LENG8: variants seen among roughly 807,000 people sequenced by gnomAD.
LENG8 encodes the protein leukocyte receptor cluster member 8, also known as leukocyte receptor cluster (LRC) member 8.
LENG8 carries 28 observed loss-of-function variants against 102.1 expected under a neutral mutation model. The observed-to-expected ratio is 0.27, with a 90% confidence interval of 0.20 to 0.38. The LOEUF is 0.38. Ranked by LOEUF, LENG8 falls within the 10% of genes least tolerant of loss-of-function variation. The probability of loss-of-function intolerance (pLI) is 1.00; values close to 1 mark genes in which losing one functional copy is unlikely to be tolerated. For missense variants in LENG8, 1,022 were observed against 1,113.9 expected (o/e 0.92, Z 1.17); for synonymous variants, 531 against 456.7 (o/e 1.16, Z -2.07).
chr19:54,461,926 C>A lies in LENG8; in HGVS notation c.*998C>A. 1.1e-6 allele frequency: 1 copy of A among 934,230 alleles called. No homozygotes were observed. Among genetic ancestry groups the A allele is most frequent in the South Asian group, 1.3e-5 (1 of 76,050 alleles). 57.9% of individuals were successfully genotyped at this position (934,230 alleles called of 1,614,324 possible). On this transcript the variant is annotated 3_prime_UTR_variant, in exon 16 of 16. Coordinates refer to ENST00000326764, the MANE Select transcript of LENG8 (RefSeq NM_052925.4). ...TCTGCCTCCCCTTCCCCTCCTCTCC[C>A]CTCCTTTTCCTTCCTTCCTTCCTTT...
Position 54,454,412 on chromosome 19 carries a change from G to T in LENG8, c.427-18G>T. ...CCAGAATCTGCCTCCCGTGCTCAGC[G>T]CCTGCTTCCTTCTGCAGCCCCCAGT... On this transcript the variant is annotated intron_variant, in intron 5 of 15. Transcript: ENST00000326764. The T allele has an allele frequency of 6.3e-7, 1 of 1,586,664 alleles. No homozygotes were observed. The highest frequency in any genetic ancestry group is 8.6e-7 in the Non-Finnish European group (1 of 1,165,166).
Position 54,461,041 on chromosome 19 carries a change from C to G in LENG8, c.*113C>G, listed in dbSNP as rs1600019601. 1 of 1,430,024 alleles carries G rather than the reference C, an allele frequency of 7.0e-7. No individual in the cohort carries two copies. 88.6% of individuals were successfully genotyped at this position (1,430,024 alleles called of 1,614,324 possible). A position where few individuals can be genotyped will look rare whatever the true frequency, so the allele number is the denominator to read the frequency against. ...TAAATTTATTTGTGGGGAGTGCGCT[C>G]CAGGAAGAGCCACCATCCCTGCCCC... On this transcript the variant is annotated 3_prime_UTR_variant, in exon 16 of 16. Coordinates refer to ENST00000326764, the MANE Select transcript of LENG8 (RefSeq NM_052925.4).
chr19:54,458,159 G>A lies in LENG8; in HGVS notation c.1959G>A (p.Glu653=). The A allele has an allele frequency of 6.2e-7, 1 of 1,614,152 alleles. No homozygotes were observed. The highest frequency in any genetic ancestry group is 8.5e-7 in the Non-Finnish European group (1 of 1,180,044). The change falls in exon 14 of 16, where the codon GAG becomes GAA. Residue 653 remains glutamate (E), a synonymous_variant. Coordinates refer to ENST00000326764, the MANE Select transcript of LENG8 (RefSeq NM_052925.4). ...CQTQLKSLYA[E]NLPGNVGEFT... ...CGCAGCTCAAGTCGCTGTACGCCGA[G>A]AACTTGCCTGGCAATGTGGGCGAGT...
intron 3 of LENG8, 145 bp from the exon 4 acceptor site, chr19:54,452,506 T>G (rs1471594319): frequency 6.7e-6 from 5 of 743,504 alleles, no homozygotes; most frequent in Non-Finnish European, 1.2e-5. Context: ...GTGAGTCTCA[T>G]GGTAGAGACA....
In LENG8 at chr19:54,461,822, C is replaced by G; in HGVS notation, c.*894C>G. Reference sequence around the variant, plus strand: ...TTTTGGCCCTCCCTCCCTCCCTCTTCTGCCATGTAACTGGAGGATGTGCTA... The same window carrying G: ...TTTTGGCCCTCCCTCCCTCCCTCTTGTGCCATGTAACTGGAGGATGTGCTA... On this transcript the variant is annotated 3_prime_UTR_variant, in exon 16 of 16. Coordinates refer to ENST00000326764, the MANE Select transcript of LENG8 (RefSeq NM_052925.4). 1 of 496,530 alleles carries G rather than the reference C, an allele frequency of 2.0e-6. No homozygotes were observed. Among genetic ancestry groups the G allele is most frequent in the South Asian group, 1.6e-5 (1 of 64,434 alleles). The allele number at this position is 496,530 out of a possible 1,614,324, so 30.8% of individuals were successfully genotyped here.
In LENG8 at chr19:54,456,167, A is replaced by C. The variant is rs1217380293; in HGVS notation, c.1226A>C (p.Lys409Thr). 1 of 1,611,204 alleles carries C rather than the reference A, an allele frequency of 6.2e-7. No homozygotes were observed. The highest frequency in any genetic ancestry group is 2.2e-5 in the East Asian group (1 of 44,822). ...TTTGGCAACCGCAACGTCTTCATGAAGGACAACAGCTCTTCTTCCAGCACA... is the reference window on the plus strand; with the variant it reads ...TTTGGCAACCGCAACGTCTTCATGACGGACAACAGCTCTTCTTCCAGCACA... ...TKFGNRNVFM[K>T]DNSSSSSTDS... The change falls in exon 9 of 16, where the codon AAG becomes ACG. Residue 409 changes from lysine (K) to threonine (T), a missense_variant. Around this residue, in one of 7 missense-constraint regions of LENG8, gnomAD observed 326 missense variants for 324.5 expected, o/e 1.00. Coordinates refer to ENST00000326764, the MANE Select transcript of LENG8 (RefSeq NM_052925.4).
chr19:54,452,543 C>T (rs760252267), intron 3 of LENG8, 108 bp from the exon 4 acceptor site: 24 of 908,242 alleles, frequency 2.6e-5, no homozygotes, highest in Non-Finnish European at 3.5e-5. Context: ...ATACATGGAC[C>T]CAGTTTCATC....
chr19:54,453,121 C>T (rs894382331), intron 4 of LENG8, among the ~76,000 whole-genome samples: 2 of 151,914 alleles, frequency 1.3e-5, no homozygotes, highest in African/African-American at 2.4e-5. Context: ...AGAGCCTCTA[C>T]CTGACACACT....
rs367825169 is a variant in LENG8 at position 54,455,575 on chromosome 19, T to A, written c.1025+8T>A. 6.2e-7 allele frequency: 1 copy of A among 1,603,400 alleles called. No homozygotes were observed. The highest frequency in any genetic ancestry group is 8.5e-7 in the Non-Finnish European group (1 of 1,177,650). ...CCGGGAGCCCTTGCCGGGGTTAGTCTGGGTGGGGGACATAGGTGGGAGGGT... is the reference window on the plus strand; with the variant it reads ...CCGGGAGCCCTTGCCGGGGTTAGTCAGGGTGGGGGACATAGGTGGGAGGGT... On this transcript the variant is annotated splice_region_variant and intron_variant, in intron 8 of 15. Coordinates refer to ENST00000326764, the MANE Select transcript of LENG8 (RefSeq NM_052925.4).
chr19:54,458,856 A>G, intron 15 of LENG8: 1 of 1,550,486 alleles, frequency 6.4e-7, no homozygotes, highest in Non-Finnish European at 8.7e-7. Flanking sequence ...GGGCTTCCTC[A>G]GAACCCTGAG....
Position 54,461,891 on chromosome 19 carries a change from A to T in LENG8, c.*963A>T. ...GACTGTCAGGCTGCTTTTTTTCCAG[A>T]TGTTCCTCCTCTGCCTCCCCTTCCC... On this transcript the variant is annotated 3_prime_UTR_variant, in exon 16 of 16. Coordinates refer to ENST00000326764, the MANE Select transcript of LENG8 (RefSeq NM_052925.4). The T allele has an allele frequency of 1.3e-6, 1 of 760,278 alleles. No individual in the cohort carries two copies. Among genetic ancestry groups the T allele is most frequent in the Non-Finnish European group, 2.4e-6 (1 of 421,766 alleles). 47.1% of individuals were successfully genotyped at this position (760,278 alleles called of 1,614,324 possible). A position where few individuals can be genotyped will look rare whatever the true frequency, so the allele number is the denominator to read the frequency against.
chr19:54,457,697 C>G (rs759830299), intron 11 of LENG8, 50 bp from the exon 12 acceptor site: 2 of 1,336,936 alleles, frequency 1.5e-6, no homozygotes. Context: ...AAGCCGTTGG[C>G]CACGCTACCT....
intron 2 of LENG8, 84 bp downstream of exon 2, chr19:54,451,466 C>A: frequency 7.0e-7 from 1 of 1,437,530 alleles, no homozygotes; most frequent in Non-Finnish European, 9.8e-7. Context: ...TGGGACCTCC[C>A]GTGGCCTTAG....
Position 54,456,323 on chromosome 19 carries a change from A to G in LENG8, c.1305-2A>G. 6.2e-7 allele frequency: 1 copy of G among 1,614,036 alleles called. No individual in the cohort carries two copies. Among genetic ancestry groups the G allele is most frequent in the Non-Finnish European group, 8.5e-7 (1 of 1,179,978 alleles). ...GCCTGACCCTCCTGCTTCTTCCTGC[A>G]GTGACTCCCACTCAGACTCCGACAG... On this transcript the variant is annotated splice_acceptor_variant, in intron 9 of 15. Coordinates refer to ENST00000326764, the MANE Select transcript of LENG8 (RefSeq NM_052925.4). LOFTEE classifies it high-confidence loss of function.
rs2084320147 is a variant in LENG8, at chr19:54,457,629, C to T, written c.1732-118C>T. ...GTGCTGGGATTACAGGCGTGAGCCA[C>T]TGCGCCTGGCCTTTTTTTTCTTTTT... On this transcript the variant is annotated intron_variant, in intron 11 of 15. Transcript: ENST00000326764. The T allele has an allele frequency of 1.4e-5, 11 of 764,834 alleles. No homozygotes were observed. The South Asian group carries it at 1.7e-4, about 12-fold the overall frequency. 47.4% of individuals were successfully genotyped at this position (764,834 alleles called of 1,614,324 possible). A position where few individuals can be genotyped will look rare whatever the true frequency, so the allele number is the denominator to read the frequency against.
At chr19:54,458,548 C>G (rs747444161) in intron 15 of LENG8, 27 bp downstream of exon 15, 4 of 1,613,712 alleles carry the variant, frequency 2.5e-6, no homozygotes, top group African/African-American at 1.3e-5. Context: ...TCCCTTCTGC[C>G]TTTGCTCTTC....
In LENG8 at chr19:54,451,283, C is replaced by T. The variant is rs542450396; in HGVS notation, c.-55-7C>T. 6 of 1,559,416 alleles carry T rather than the reference C, an allele frequency of 3.8e-6. No homozygotes were observed. The highest frequency in any genetic ancestry group is 1.7e-4 in the Middle Eastern group (1 of 5,960). ...TAAGTCTCCCTAACTCATTCTTTTT[C>T]TCATAGACAGTGAAAAAGCAGTCTG... On this transcript the variant is annotated splice_region_variant and splice_polypyrimidine_tract_variant and intron_variant, in intron 1 of 15. Coordinates refer to ENST00000326764, the MANE Select transcript of LENG8 (RefSeq NM_052925.4).
rs1383203608 is a variant in LENG8, at chr19:54,456,063, G to C, written c.1122G>C (p.Arg374Ser). ...CTAGAGGGGCAGGCTCGGCGACAAG[G>C]GGCGGGGGTGCCCCGTCCCAGCGAG... ...HPPRGAGSAT[R>S]GGGAPSQRGT... The change falls in exon 9 of 16, where the codon AGG becomes AGC. Residue 374 changes from arginine to serine, a missense_variant. Around this residue, in one of 7 missense-constraint regions of LENG8, gnomAD observed 326 missense variants for 324.5 expected, o/e 1.00. Transcript: ENST00000326764. 1 of 1,610,502 alleles carries C rather than the reference G, an allele frequency of 6.2e-7. No individual in the cohort carries two copies. The highest frequency in any genetic ancestry group is 1.3e-5 in the African/African-American group (1 of 74,832).
chr19:54,460,833 C>A lies in LENG8; in HGVS notation c.2308C>A (p.Arg770=). The change falls in exon 16 of 16, where the codon CGG becomes AGG. Residue 770 remains arginine (R), a synonymous_variant. Coordinates refer to ENST00000326764, the MANE Select transcript of LENG8 (RefSeq NM_052925.4). ...ELAFEGEAAC[R]AFLEPLGLAY... is the part of the protein sequence containing the mutation. Reference sequence around the variant, plus strand: ...GGCCTTCGAGGGCGAGGCCGCCTGCCGGGCCTTCCTAGAGCCCCTGGGCCT... The same window carrying A: ...GGCCTTCGAGGGCGAGGCCGCCTGCAGGGCCTTCCTAGAGCCCCTGGGCCT... 2 of 1,578,794 alleles carry A rather than the reference C, an allele frequency of 1.3e-6. No homozygotes were observed. The highest frequency in any genetic ancestry group is 1.7e-6 in the Non-Finnish European group (2 of 1,163,630).
Sources: allele counts gnomAD v4.1 joint callset (sites outside exome capture counted in the v4.1 genomes callset), GRCh38; gene constraint gnomAD v4.1.1; regional missense constraint gnomAD v4.1.1; transcripts MANE v1.5; gene names NCBI Gene and HGNC (gene_info 2026-07-23, HGNC 2026-07-21).